The following AK9 variants were observed in gnomAD, a reference collection of about 807,000 sequenced individuals.
AK9 encodes adenylate kinase domain containing 1.
Under a neutral mutation model 239.6 loss-of-function variants are expected in AK9, and 191 were observed. That is an observed-to-expected ratio of 0.80 (90% CI 0.71 to 0.90). AK9 has a LOEUF of 0.90. AK9 is among the 40% of genes least tolerant of loss of function. AK9 has a pLI of 0.00. For missense variants in AK9, 1,995 were observed against 2,214.7 expected, an observed-to-expected ratio of 0.90 and a Z score of 1.99; for synonymous variants, 689 against 721.0, an observed-to-expected ratio of 0.96 and a Z score of 0.71.
At chr6:109,497,326 T>TCTCACACACA in intron 38 of AK9, 139 bp downstream of exon 38, 1 of 420,458 alleles carries the variant, frequency 2.4e-6, no homozygotes, top group South Asian at 2.5e-5. Flanking sequence ...CAGTGCTTGT[T>TCTCACACACA]CACACACACA....
intron 17 of AK9, among the ~76,000 whole-genome samples, chr6:109,596,040 C>T (rs971706927): frequency 1.3e-5 from 2 of 151,340 alleles, no homozygotes; most frequent in South Asian, 2.1e-4. Flanking sequence ...AAAATAAAAA[C>T]GAAAAAAATC....
Position 109,506,803 on chromosome 6 carries a change from A to G in AK9, c.4482-3T>C. On this transcript the variant is annotated splice_polypyrimidine_tract_variant and splice_region_variant and intron_variant, in intron 33 of 40. Transcript: ENST00000424296. ...CAGGATATCCATCGATGACAACACT[A>G]ACAAGGAAAAACATGAAAATAAAAA... The G allele has an allele frequency of 6.8e-7, 1 of 1,475,306 alleles. No homozygotes were observed. The highest frequency in any genetic ancestry group is 9.0e-7 in the Non-Finnish European group (1 of 1,110,724). The allele number at this position is 1,475,306 out of a possible 1,614,324, so 91.4% of individuals were successfully genotyped here.
chr6:109,667,215 G>A (rs962888606), intron 5 of AK9, among the ~76,000 whole-genome samples: 3 of 152,100 alleles, frequency 2.0e-5, no homozygotes, highest in East Asian at 3.9e-4. Context: ...ATACTCTGCC[G>A]TGTGATGTCC....
At chr6:109,509,074 C>T in intron 33 of AK9, 105 bp downstream of exon 33, 5 of 1,181,180 alleles carry the variant, frequency 4.2e-6, no homozygotes, top group East Asian at 2.6e-5. Flanking sequence ...AGATCACACC[C>T]TTTATAAGAG....
At chr6:109,549,668 T>G (rs951151654) in intron 25 of AK9, 3 of 136,906 alleles carry the variant, frequency 2.2e-5, no homozygotes, top group African/African-American at 7.7e-5. Context: ...TATTTTCTTT[T>G]TTTTTTTTTT....
chr6:109,564,326 C>T (rs911297569), intron 22 of AK9, 46 bp from the exon 23 acceptor site: 14 of 1,450,536 alleles, frequency 9.7e-6, no homozygotes, highest in Non-Finnish European at 1.3e-5. Flanking sequence ...CTTTAAATAT[C>T]CTATCTTTAG....
At position 109,597,382 on chromosome 6, in the gene AK9, A is replaced by AT. The variant is rs1238372671; in HGVS notation, c.1843-11311dup. 1.1e-4 allele frequency among the ~76,000 whole-genome samples: 17 copies of AT among 151,656 alleles called. No homozygotes were observed. In the South Asian group the frequency reaches 2.7e-3, roughly 24 times the overall value. On this transcript the variant is annotated intron_variant, in intron 17 of 40. Coordinates refer to ENST00000424296, the MANE Select transcript of AK9 (RefSeq NM_001145128.3). The stretch of plus-strand genomic sequence containing the variant: ...CAAACGTTAAAAATTTTCTTTAAAA[A>AT]TTTTTTTTTGCCGGGCGCGGTGGCT...
At chr6:109,585,792 T>C in intron 18 of AK9, 124 bp downstream of exon 18, 1 of 905,598 alleles carries the variant, frequency 1.1e-6, no homozygotes. Flanking sequence ...CTCTAGTTCC[T>C]GCAGGGATTG....
chr6:109,545,205 C>A (rs1330157457), intron 26 of AK9, among the ~76,000 whole-genome samples: 1 of 152,076 alleles, frequency 6.6e-6, no homozygotes, highest in African/African-American at 2.4e-5. Context: ...TTTGGGAGGT[C>A]AAGGTGGGTA....
chr6:109,614,429 C>T lies in AK9; in HGVS notation c.1451G>A (p.Gly484Glu), dbSNP rs1277011072. 3.9e-6 allele frequency: 6 copies of T among 1,551,174 alleles called. No individual in the cohort carries two copies. The highest frequency in any genetic ancestry group is 5.2e-6 in the Non-Finnish European group (6 of 1,146,768). Reference protein sequence around the residue: ...FQRQYEKMEFGVFPMEATHSS... With the variant: ...FQRQYEKMEFEVFPMEATHSS... ...GTGTGTTGCCTCCATTGGGAATACT[C>T]CAAACTCCATTTTTTCATATTGCCT... Residue 484 changes from glycine (G) to glutamate (E), a missense_variant, in exon 14 of 41, where the codon GGA becomes GAA. By Grantham distance (98) the Gly-to-Glu change is moderately conservative. Coordinates refer to ENST00000424296, the MANE Select transcript of AK9 (RefSeq NM_001145128.3).
intron 17 of AK9, among the ~76,000 whole-genome samples, chr6:109,607,050 A>G (rs1792978641): frequency 6.6e-6 from 1 of 152,160 alleles, no homozygotes. Flanking sequence ...AATCATATCT[A>G]TTCTATACAT....
At chr6:109,572,681 T>C (rs1787577715) in intron 21 of AK9, among the ~76,000 whole-genome samples, 1 of 152,212 alleles carries the variant, frequency 6.6e-6, no homozygotes, top group Non-Finnish European at 1.5e-5. Context: ...GCTTCTTTTA[T>C]AAGCTCACAG....
chr6:109,623,905 ATTT>A (rs1288322916), intron 12 of AK9, among the ~76,000 whole-genome samples: 3 of 123,334 alleles, frequency 2.4e-5, no homozygotes, highest in Admixed American at 8.0e-5. Flanking sequence ...ACACACACAC[ATTT>A]CTTCTCCCAC....
intron 13 of AK9, among the ~76,000 whole-genome samples, chr6:109,615,499 CTGAGA>C (rs764799323): frequency 1.3e-3 from 195 of 152,154 alleles, no homozygotes; most frequent in Middle Eastern, 6.8e-3. Context: ...TGTAAGTTGA[CTGAGA>C]TATTTTAAAA....
rs565797329 is a variant in AK9, at chr6:109,649,546, C to T, written c.760-4858G>A. ...TTACAAGGGATGTGAAGGACCTCTTCAAGGAGAACTACAAACCACTGCTCA... is the reference window on the plus strand; with the variant it reads ...TTACAAGGGATGTGAAGGACCTCTTTAAGGAGAACTACAAACCACTGCTCA... On this transcript the variant is annotated intron_variant, in intron 8 of 40. Transcript: ENST00000424296. 1.6e-4 allele frequency among the ~76,000 whole-genome samples: 24 copies of T among 152,196 alleles called. 1 individual carries two copies. In the South Asian group the frequency reaches 5.0e-3, roughly 32 times the overall value.
At chr6:109,632,211 C>T (rs988562125) in intron 12 of AK9, 10 of 985,298 alleles carry the variant, frequency 1.0e-5, no homozygotes, top group South Asian at 9.4e-5. Flanking sequence ...GATACTCCGG[C>T]GCTTAAAAGA....
At chr6:109,668,042 C>T (rs1431213480) in intron 5 of AK9, among the ~76,000 whole-genome samples, 1 of 152,188 alleles carries the variant, frequency 6.6e-6, no homozygotes, top group South Asian at 2.1e-4. Context: ...TCCTATTTCG[C>T]CACATCCTCT....
chr6:109,572,852 G>A (rs2128195627), intron 21 of AK9, among the ~76,000 whole-genome samples: 1 of 152,186 alleles, frequency 6.6e-6, no homozygotes, highest in East Asian at 1.9e-4. Context: ...CCTGCTTTAA[G>A]CCCACTCTCT....
At chr6:109,511,687 G>A (rs1024673733) in intron 32 of AK9, among the ~76,000 whole-genome samples, 8 of 152,050 alleles carry the variant, frequency 5.3e-5, no homozygotes, top group African/African-American at 1.7e-4. Flanking sequence ...GATTGACCAG[G>A]GACCACCATC....
Sources: gnomAD v4.1 joint callset for allele counts (sites outside exome capture counted in the v4.1 genomes callset) on GRCh38, gnomAD v4.1.1 for gene constraint, MANE v1.5 for transcripts, NCBI Gene and HGNC (gene_info 2026-07-23, HGNC 2026-07-21) for gene names.